FOXP2: variants seen among roughly 807,000 people sequenced by gnomAD.
The protein encoded by FOXP2 is forkhead box P2, also known as forkhead box protein P2.
Under a neutral mutation model 115.8 loss-of-function variants are expected in FOXP2, and 12 were observed. The observed-to-expected ratio is 0.10, with a 90% CI of 0.07 to 0.17. FOXP2 has a LOEUF of 0.17. FOXP2 is among the 10% of genes least tolerant of loss of function. The pLI, the probability that FOXP2 is intolerant of heterozygous loss-of-function variation, is 1.00. For missense variants in FOXP2, 629 were observed against 843.5 expected (o/e 0.75, Z 3.15); for synonymous variants, 328 against 297.7 (o/e 1.10, Z -1.05).
intron 2 of FOXP2, among the ~76,000 whole-genome samples, chr7:114,296,624 C>G (rs1014250884): frequency 6.6e-6 from 1 of 152,052 alleles, no homozygotes; most frequent in African/African-American, 2.4e-5. Context: ...ATCTTGAATC[C>G]TGTGAACTTA....
intron 3 of FOXP2, among the ~76,000 whole-genome samples, chr7:114,552,696 G>A (rs776008881): frequency 6.6e-6 from 1 of 152,012 alleles, no homozygotes; most frequent in Non-Finnish European, 1.5e-5. Flanking sequence ...CATTACATAC[G>A]TTATTCCATT....
chr7:114,280,673 A>G (rs1402154221), intron 1 of FOXP2, among the ~76,000 whole-genome samples: 1 of 152,176 alleles, frequency 6.6e-6, no homozygotes, highest in African/African-American at 2.4e-5. Flanking sequence ...TATAAAAAAC[A>G]GATAAAAATT....
intron 2 of FOXP2, among the ~76,000 whole-genome samples, chr7:114,486,586 G>A (rs530031848): frequency 6.6e-6 from 1 of 152,148 alleles, no homozygotes; most frequent in Non-Finnish European, 1.5e-5. Context: ...ACAGTCCAAA[G>A]CCTCATCTGA....
intron 1 of FOXP2, among the ~76,000 whole-genome samples, chr7:114,205,158 AG>A (rs1196764502): frequency 6.6e-6 from 1 of 152,192 alleles, no homozygotes; most frequent in Admixed American, 6.5e-5. Context: ...TTTATAAAAA[AG>A]AATTACTCTG....
chr7:114,303,121 T>C (rs543163969), intron 2 of FOXP2, among the ~76,000 whole-genome samples: 1 of 152,288 alleles, frequency 6.6e-6, no homozygotes, highest in African/African-American at 2.4e-5. Flanking sequence ...TAGTCATAAT[T>C]TGTTACACAG....
chr7:114,483,895 C>G (rs540608201), intron 2 of FOXP2, among the ~76,000 whole-genome samples: 29 of 151,780 alleles, frequency 1.9e-4, no homozygotes, highest in African/African-American at 6.0e-4. Context: ...GGAACATCCT[C>G]TCCTTATTAT....
At chr7:114,275,326 TTAAA>T (rs1250563917) in intron 1 of FOXP2, among the ~76,000 whole-genome samples, 1 of 152,164 alleles carries the variant, frequency 6.6e-6, no homozygotes, top group Non-Finnish European at 1.5e-5. Flanking sequence ...CCCGCAGTTC[TTAAA>T]TACTCTGTTT....
rs933571122 is a variant in FOXP2 at position 114,215,528 on chromosome 7, A to G, written c.-102+52440A>G. ...GCCTATAATTTTTTTGTTGTAATCCATATATTGAAATACTACGGTTTATAG... is the reference window on the plus strand; with the variant it reads ...GCCTATAATTTTTTTGTTGTAATCCGTATATTGAAATACTACGGTTTATAG... On this transcript the variant is annotated intron_variant, in intron 1 of 17. Transcript: ENST00000634411. 2.6e-5 allele frequency among the ~76,000 whole-genome samples: 4 copies of G among 152,302 alleles called. No homozygotes were observed. In the East Asian group the frequency reaches 5.8e-4, roughly 22 times the overall value.
chr7:114,491,466 C>T (rs1240552638), intron 2 of FOXP2, among the ~76,000 whole-genome samples: 1 of 151,758 alleles, frequency 6.6e-6, no homozygotes, highest in African/African-American at 2.4e-5. Context: ...TGCCTGTTCA[C>T]TCTGATGGTA....
chr7:114,396,403 C>A (rs1297686248), intron 2 of FOXP2, among the ~76,000 whole-genome samples: 1 of 152,036 alleles, frequency 6.6e-6, no homozygotes, highest in Non-Finnish European at 1.5e-5. Flanking sequence ...CATTGATGGG[C>A]ACTTTGGTTG....
chr7:114,223,831 G>A (rs1794681653), intron 1 of FOXP2, among the ~76,000 whole-genome samples: 1 of 151,218 alleles, frequency 6.6e-6, no homozygotes, highest in Non-Finnish European at 1.5e-5. Flanking sequence ...TTTTAATTTA[G>A]TTTATCAATT....
intron 16 of FOXP2, among the ~76,000 whole-genome samples, chr7:114,678,547 CTTTTTTTTTTT>C (rs35525759): frequency 6.2e-5 from 3 of 48,410 alleles, no homozygotes; most frequent in South Asian, 1.0e-3. Context: ...ATAAGTGACT[CTTTTTTTTTTT>C]TTTTTTTTTT....
At chr7:114,428,216 C>T (rs1023302606) in intron 2 of FOXP2, among the ~76,000 whole-genome samples, 18 of 151,574 alleles carry the variant, frequency 1.2e-4, no homozygotes, top group Admixed American at 4.0e-4. Context: ...AAATGAACAT[C>T]GCAGTTGAGT....
intron 2 of FOXP2, among the ~76,000 whole-genome samples, chr7:114,311,041 G>C (rs1441494807): frequency 6.6e-6 from 1 of 152,148 alleles, no homozygotes; most frequent in African/African-American, 2.4e-5. Flanking sequence ...ACCAATTTCG[G>C]AGATCTTATA....
At chr7:114,538,879 T>C (rs1378044772) in intron 3 of FOXP2, among the ~76,000 whole-genome samples, 1 of 151,862 alleles carries the variant, frequency 6.6e-6, no homozygotes, top group Non-Finnish European at 1.5e-5. Flanking sequence ...TTAAAGCCCA[T>C]ATGTATGGAA....
chr7:114,676,235 G>A (rs1166897842), intron 16 of FOXP2, among the ~76,000 whole-genome samples: 2 of 151,856 alleles, frequency 1.3e-5, no homozygotes. Context: ...GGCCTAAAAC[G>A]TTTTCTATCG....
chr7:114,583,694 G>T (rs1171979635), intron 3 of FOXP2, among the ~76,000 whole-genome samples: 1 of 152,194 alleles, frequency 6.6e-6, no homozygotes, highest in African/African-American at 2.4e-5. Context: ...TCACAGAGTA[G>T]ACCTTAAACA....
intron 1 of FOXP2, among the ~76,000 whole-genome samples, chr7:114,112,032 CCAAATATAGCAGCAG>C (rs1791279883): frequency 6.6e-6 from 1 of 151,994 alleles, no homozygotes. Flanking sequence ...AGAACAGGGA[CCAAATATAGCAGCAG>C]TACTAAAACC....
intron 1 of FOXP2, among the ~76,000 whole-genome samples, chr7:114,268,885 T>C (rs1297082966): frequency 6.6e-6 from 1 of 152,166 alleles, no homozygotes; most frequent in African/African-American, 2.4e-5. Context: ...ATCAGGAAAA[T>C]ATTGTCCTTA....
Sources: allele counts gnomAD v4.1 joint callset (sites outside exome capture counted in the v4.1 genomes callset), GRCh38; gene constraint gnomAD v4.1.1; transcripts MANE v1.5; gene names NCBI Gene and HGNC (gene_info 2026-07-23, HGNC 2026-07-21).